The following PPP1R12B variants were observed in gnomAD, a reference collection of about 807,000 sequenced individuals.
The protein encoded by PPP1R12B is protein phosphatase 1 regulatory subunit 12B.
A neutral mutation model predicts 126.1 loss-of-function variants in PPP1R12B; 76 were observed. The observed-to-expected ratio is 0.60, with a 90% CI of 0.50 to 0.73. PPP1R12B has a LOEUF of 0.73. Ranked by LOEUF, PPP1R12B falls within the 30% of genes least tolerant of loss-of-function variation. The pLI is 0.00. For synonymous variants in PPP1R12B, 356 were observed against 434.7 expected, an observed-to-expected ratio of 0.82 and a Z score of 2.25; for missense variants, 1,052 against 1,205.1, an observed-to-expected ratio of 0.87 and a Z score of 1.88.
intron 6 of PPP1R12B, among the ~76,000 whole-genome samples, chr1:202,429,748 T>A (rs1669973098): frequency 6.6e-6 from 1 of 152,178 alleles, no homozygotes; most frequent in Non-Finnish European, 1.5e-5. Context: ...TTGCACGTGC[T>A]GTCACTCAGG....
Position 202,574,817 on chromosome 1 carries a change from A to G in PPP1R12B, c.2862+5620A>G, listed in dbSNP as rs1434926008. On this transcript the variant is annotated intron_variant, in intron 23 of 23. Coordinates refer to ENST00000608999, the MANE Select transcript of PPP1R12B (RefSeq NM_002481.4). ...CTCTCCTTCCCTGTTGCTTTTCTCC[A>G]TCATCCTTCCACCTGCCACCCATTT... The G allele has an allele frequency of 7.4e-6, 4 of 538,126 alleles. No individual in the cohort carries two copies. In the Admixed American group the frequency reaches 9.4e-5, roughly 13 times the overall value. The allele number at this position is 538,126 out of a possible 1,614,324, so 33.3% of individuals were successfully genotyped here. A position where few individuals can be genotyped will look rare whatever the true frequency, so the allele number is the denominator to read the frequency against.
chr1:202,500,164 G>A (rs1456299087), intron 18 of PPP1R12B, among the ~76,000 whole-genome samples: 1 of 151,936 alleles, frequency 6.6e-6, no homozygotes, highest in African/African-American at 2.4e-5. Flanking sequence ...AAGAGATGAC[G>A]CTCCCTGGTG....
chr1:202,403,713 TC>T (rs1048516872), intron 1 of PPP1R12B, among the ~76,000 whole-genome samples: 41 of 152,234 alleles, frequency 2.7e-4, no homozygotes, highest in African/African-American at 9.4e-4. Flanking sequence ...CAAATATAGT[TC>T]CTGAGTGTAA....
At chr1:202,417,006 ATAGT>A (rs1282631395) in intron 2 of PPP1R12B, 89 bp downstream of exon 2, 45 of 1,391,830 alleles carry the variant, frequency 3.2e-5, no homozygotes, top group Non-Finnish European at 4.1e-5. Context: ...AATTTTATAA[ATAGT>A]TATAATCTCT....
At chr1:202,553,771 A>T (rs1320383330) in intron 18 of PPP1R12B, among the ~76,000 whole-genome samples, 3 of 152,040 alleles carry the variant, frequency 2.0e-5, no homozygotes, top group Admixed American at 1.3e-4. Context: ...ACCTCTTAGA[A>T]TCCTCTTCTC....
At chr1:202,365,854 G>A (rs2148427238) in intron 1 of PPP1R12B, among the ~76,000 whole-genome samples, 1 of 152,114 alleles carries the variant, frequency 6.6e-6, no homozygotes, top group East Asian at 1.9e-4. Flanking sequence ...GCTGGGCATG[G>A]TGGCATACCT....
Position 202,565,682 on chromosome 1 carries a change from C to G in PPP1R12B, c.2757+1135C>G, listed in dbSNP as rs374279218. ...GCCTGTCAGTTTAGAAGAGCCACCC[C>G]CTTTTTCCTGATTATAGTAGCCCAA... On this transcript the variant is annotated intron_variant, in intron 21 of 23. Coordinates refer to ENST00000608999, the MANE Select transcript of PPP1R12B (RefSeq NM_002481.4). The surrounding 1 kb of genome is among the most constrained non-coding windows in gnomAD (Gnocchi z 4.3). 5.3e-5 allele frequency among the ~76,000 whole-genome samples: 8 copies of G among 152,228 alleles called. No homozygotes were observed. In the South Asian group the frequency reaches 8.3e-4, roughly 16 times the overall value.
chr1:202,495,617 A>T lies in PPP1R12B; in HGVS notation c.2383A>T (p.Ile795Phe). The change falls in exon 17 of 24, where the codon ATC (isoleucine) becomes TTC (phenylalanine). Residue 795 changes from isoleucine (I) to phenylalanine (F), a missense_variant. Transcript: ENST00000608999. ...TGAGCAGTCCTCTAAGAGGCTGTCC[A>T]TCCGAGAGAGGAGGCGGCCCAAGGA... ...LDEQSSKRLS[I>F]RERRRPKERR... 2.5e-6 allele frequency: 4 copies of T among 1,614,200 alleles called. No individual in the cohort carries two copies. The highest frequency in any genetic ancestry group is 3.4e-6 in the Non-Finnish European group (4 of 1,180,026).
At chr1:202,364,737 C>T (rs574994096) in intron 1 of PPP1R12B, among the ~76,000 whole-genome samples, 151 of 152,198 alleles carry the variant, frequency 9.9e-4, no homozygotes, top group South Asian at 4.1e-4. Context: ...CCACCATGCT[C>T]GGCTAAGTTT....
rs146166453 is a variant in PPP1R12B at position 202,562,857 on chromosome 1, C to T, written c.2587C>T (p.Arg863Trp). The change falls in exon 20 of 24, where the codon CGG becomes TGG. Residue 863 changes from arginine (R) to tryptophan (W), a missense_variant. Transcript: ENST00000608999. ...TTCAGCAAGAGCCCGTCGGGAGGCC[C>T]GGGAGGCCCGCCTAGCCACCCTGAC... is the stretch of plus-strand genomic sequence containing the variant. ...RASARARREA[R>W]EARLATLTSR... 5.0e-5 allele frequency: 81 copies of T among 1,612,914 alleles called. No individual in the cohort carries two copies. Among genetic ancestry groups the T allele is most frequent in the Non-Finnish European group, 6.3e-5 (74 of 1,179,674 alleles).
chr1:202,510,219 A>G (rs1305655418), intron 18 of PPP1R12B, among the ~76,000 whole-genome samples: 1 of 152,010 alleles, frequency 6.6e-6, no homozygotes, highest in Admixed American at 6.5e-5. Flanking sequence ...GTGTGTAGAT[A>G]CTGATATCCA....
intron 18 of PPP1R12B, among the ~76,000 whole-genome samples, chr1:202,543,992 G>A (rs61820882): frequency 0.02 from 3,116 of 152,146 alleles, 47 homozygotes; most frequent in Non-Finnish European, 0.027. Context: ...AGTTCCCTTA[G>A]TAACAGCTCT....
chr1:202,350,233 T>C (rs1027337923), intron 1 of PPP1R12B, among the ~76,000 whole-genome samples: 3 of 152,366 alleles, frequency 2.0e-5, no homozygotes, highest in African/African-American at 7.2e-5. Flanking sequence ...TTTCACCCTA[T>C]TTTGTACCCA....
Position 202,582,081 on chromosome 1 carries a change from T to G in PPP1R12B, c.*1521T>G, listed in dbSNP as rs1460928569. On this transcript the variant is annotated 3_prime_UTR_variant, in exon 24 of 24. Coordinates refer to ENST00000608999, the MANE Select transcript of PPP1R12B (RefSeq NM_002481.4). Reference sequence around the variant, plus strand: ...GTTTTTCCTCATATCAGCTGAAGTCTGCCTGTGGATTCTCCTTGTAGTCCA... The same window carrying G: ...GTTTTTCCTCATATCAGCTGAAGTCGGCCTGTGGATTCTCCTTGTAGTCCA... 1 of 152,226 alleles carries G rather than the reference T, an allele frequency of 6.6e-6. No homozygotes were observed. The highest frequency in any genetic ancestry group is 6.5e-5 in the Admixed American group (1 of 15,270). 9.4% of individuals were successfully genotyped at this position (152,226 alleles called of 1,614,324 possible).
chr1:202,484,001 T>C (rs1481716413), intron 13 of PPP1R12B, among the ~76,000 whole-genome samples: 1 of 152,228 alleles, frequency 6.6e-6, no homozygotes, highest in East Asian at 1.9e-4. Flanking sequence ...ATGTTTGTCT[T>C]TAATGGTTAG....
chr1:202,427,607 A>G lies in PPP1R12B; in HGVS notation c.846+423A>G, dbSNP rs556526448. Among the ~76,000 whole-genome samples the G allele has an allele frequency of 2.2e-3, 336 of 152,172 alleles. 1 individual carries two copies. The highest frequency in any genetic ancestry group is 7.8e-3 in the African/African-American group (323 of 41,518). ...TCGGTCTCACTTCAAACAACTTAGAAGCTCTGGAACTCCTATCCCTATGTC... is the reference window on the plus strand; with the variant it reads ...TCGGTCTCACTTCAAACAACTTAGAGGCTCTGGAACTCCTATCCCTATGTC... On this transcript the variant is annotated intron_variant, in intron 5 of 23. Coordinates refer to ENST00000608999, the MANE Select transcript of PPP1R12B (RefSeq NM_002481.4).
Position 202,348,971 on chromosome 1 carries a change from C to A in PPP1R12B, c.120C>A (p.Gly40=). The A allele has an allele frequency of 6.2e-7, 1 of 1,601,522 alleles. No individual in the cohort carries two copies. The highest frequency in any genetic ancestry group is 8.5e-7 in the Non-Finnish European group (1 of 1,175,426). Residue 40 remains glycine (G), a synonymous_variant, in exon 1 of 24, where the codon GGC becomes GGA. Coordinates refer to ENST00000608999, the MANE Select transcript of PPP1R12B (RefSeq NM_002481.4). ...LTEQEPAERR[G]AGRQPLTRRG... is the part of the protein sequence containing the mutation. ...AGCAGGAGCCTGCGGAGCGACGAGG[C>A]GCGGGGCGGCAGCCGCTGACCAGGC...
At chr1:202,488,784 A>T (rs992907698) in intron 14 of PPP1R12B, among the ~76,000 whole-genome samples, 161 bp downstream of exon 14, 22 of 152,162 alleles carry the variant, frequency 1.4e-4, no homozygotes, top group African/African-American at 5.3e-4. Context: ...TAATCCCAGC[A>T]ATTTGGGAGG....
chr1:202,485,017 T>C (rs1440322407), intron 13 of PPP1R12B, among the ~76,000 whole-genome samples: 9 of 152,152 alleles, frequency 5.9e-5, no homozygotes, highest in Non-Finnish European at 1.3e-4. Flanking sequence ...TGCAGCGGTC[T>C]GAGGGATGGA....
Sources: gnomAD v4.1 joint callset for allele counts (sites outside exome capture counted in the v4.1 genomes callset) on GRCh38, gnomAD v4.1.1 for gene constraint, Gnocchi (gnomAD v3.1) non-coding constraint, MANE v1.5 for transcripts, NCBI Gene and HGNC (gene_info 2026-07-23, HGNC 2026-07-21) for gene names.